The following LARP7 variants were observed in gnomAD, a reference collection of about 807,000 sequenced individuals.
LARP7 encodes La ribonucleoprotein 7, transcriptional regulator.
LARP7 carries 52 observed loss-of-function variants against 69.3 expected under a neutral mutation model. The observed-to-expected ratio is 0.75, with a 90% CI of 0.60 to 0.95. LARP7 has a LOEUF of 0.95. Among genes scored for constraint, LARP7 ranks in the 40% least tolerant of loss-of-function variants. The pLI, the probability that LARP7 is intolerant of heterozygous loss-of-function variation, is 0.00. For missense variants in LARP7, 733 were observed against 673.0 expected (o/e 1.09, Z -0.99); for synonymous variants, 254 against 215.9 (o/e 1.18, Z -1.55).
At position 112,653,137 on chromosome 4, in the gene LARP7, T is replaced by G; in HGVS notation, c.1477T>G (p.Cys493Gly). ...YVDLLEGDTE[C>G]HARFKTPEDA... ...TGATTTGCTAGAAGGGGATACAGAA[T>G]GCCATGCTAGATTTAAAACTCCTGA... The change falls in exon 11 of 13, where the codon TGC becomes GGC. Residue 493 changes from cysteine (C) to glycine (G), a missense_variant. Transcript: ENST00000344442. 1 of 1,611,366 alleles carries G rather than the reference T, an allele frequency of 6.2e-7. No homozygotes were observed. The highest frequency in any genetic ancestry group is 8.5e-7 in the Non-Finnish European group (1 of 1,178,794).
chr4:112,643,032 A>G (rs186113004), intron 1 of LARP7, among the ~76,000 whole-genome samples: 54 of 152,368 alleles, frequency 3.5e-4, no homozygotes, highest in African/African-American at 1.2e-3. Flanking sequence ...TAGTGATTCA[A>G]TTCATTCAAC....
rs554914751 is a variant in LARP7 at position 112,645,803 on chromosome 4, C to G, written c.203-548C>G. ...AATTGCTGAGATAAGAAGCATTGAGCCACCATCCCCAGTTGCTAAATTTCA... is the reference window on the plus strand; with the variant it reads ...AATTGCTGAGATAAGAAGCATTGAGGCACCATCCCCAGTTGCTAAATTTCA... On this transcript the variant is annotated intron_variant, in intron 2 of 12. Transcript: ENST00000344442. The G allele has an allele frequency of 2.3e-5, 8 of 342,810 alleles. No individual in the cohort carries two copies. The East Asian group carries it at 6.3e-4, about 27-fold the overall frequency. The allele number at this position is 342,810 out of a possible 1,614,324, so 21.2% of individuals were successfully genotyped here. A position where few individuals can be genotyped will look rare whatever the true frequency, so the allele number is the denominator to read the frequency against.
At chr4:112,649,719 A>G in intron 9 of LARP7, 33 bp downstream of exon 9, 1 of 1,468,828 alleles carries the variant, frequency 6.8e-7, no homozygotes, top group Non-Finnish European at 9.3e-7. Flanking sequence ...ACAACATTAT[A>G]ATGTACTTAT....
Position 112,646,970 on chromosome 4 carries a change from T to TA in LARP7, c.552+28dup, listed in dbSNP as rs747753883. The TA allele has an allele frequency of 0.025, 31,668 of 1,284,054 alleles. No individual in the cohort carries two copies. Among genetic ancestry groups the TA allele is most frequent in the South Asian group, 0.028 (2,068 of 72,610 alleles). 79.5% of individuals were successfully genotyped at this position (1,284,054 alleles called of 1,614,324 possible). On this transcript the variant is annotated intron_variant, in intron 5 of 12. Transcript: ENST00000344442. ...AAGCAATTGAGGTAAGTCCAGATCC[T>TA]AAAAAAAAAAAAAGAAAGAAAAGAA...
intron 12 of LARP7, among the ~76,000 whole-genome samples, chr4:112,655,077 C>T (rs567976993): frequency 1.5e-4 from 22 of 150,964 alleles, no homozygotes; most frequent in African/African-American, 4.9e-4. Context: ...CAGAATTTAT[C>T]GTGATTTGTG....
chr4:112,637,950 AAACTT>A (rs1161977429), intron 1 of LARP7: 1 of 152,262 alleles, frequency 6.6e-6, no homozygotes, highest in Non-Finnish European at 1.5e-5. Context: ...CTTCTTTTGA[AAACTT>A]AATTATATGG....
rs776972764 is a variant in LARP7 at position 112,646,708 on chromosome 4, G to T, written c.387+37G>T. 1.7e-5 allele frequency: 26 copies of T among 1,556,236 alleles called. No individual in the cohort carries two copies. The South Asian group carries it at 1.9e-4, about 11-fold the overall frequency. On this transcript the variant is annotated intron_variant, in intron 4 of 12. Coordinates refer to ENST00000344442, the MANE Select transcript of LARP7 (RefSeq NM_016648.4). ...AACCCGGGTCCCCAGTCAGAAACTG[G>T]CACAGAAACAATATAATTAAGTTAA...
In LARP7 at chr4:112,655,488, T is replaced by C. The variant is rs2048919373; in HGVS notation, c.1668+1329T>C. On this transcript the variant is annotated intron_variant, in intron 12 of 12. Coordinates refer to ENST00000344442, the MANE Select transcript of LARP7 (RefSeq NM_016648.4). ...TAGCCAGTTGACTCTTGTCGTGAAA[T>C]GAAACGGAGGTTAACACAGAAAGTA... 3.3e-5 allele frequency: 5 copies of C among 152,314 alleles called. No homozygotes were observed. The South Asian group carries it at 1.0e-3, about 32-fold the overall frequency. 9.4% of individuals were successfully genotyped at this position (152,314 alleles called of 1,614,324 possible). A position where few individuals can be genotyped will look rare whatever the true frequency, so the allele number is the denominator to read the frequency against.
chr4:112,656,716 C>A (rs1258752580), intron 12 of LARP7, among the ~76,000 whole-genome samples: 1 of 152,156 alleles, frequency 6.6e-6, no homozygotes, highest in Non-Finnish European at 1.5e-5. Context: ...TGATAGAGTT[C>A]TAAACATCTT....
intron 8 of LARP7, 71 bp downstream of exon 8, chr4:112,647,905 T>A: frequency 3.6e-6 from 4 of 1,106,434 alleles, no homozygotes; most frequent in Non-Finnish European, 5.5e-6. Context: ...AATTCCAATT[T>A]ATATTCAACA....
chr4:112,653,838 A>G (rs2048854427), intron 11 of LARP7, among the ~76,000 whole-genome samples: 1 of 152,086 alleles, frequency 6.6e-6, no homozygotes, highest in Admixed American at 6.6e-5. Flanking sequence ...GGCCAGGCTG[A>G]CCTCTGGTGA....
Position 112,649,684 on chromosome 4 carries a change from AAAGT to A in LARP7, c.1294+1_1294+4del, listed in dbSNP as rs758997622. On this transcript the variant is annotated splice_donor_variant and coding_sequence_variant, in exon 9 of 13. Transcript: ENST00000344442. LOFTEE classifies it high-confidence loss of function. ...CAAAACACTGGAATGAAAAATGAAA[AAAGT>A]AAAGATCACTGATAGTTTTGACAAC... The A allele has an allele frequency of 2.5e-6, 4 of 1,586,528 alleles. No homozygotes were observed. Among genetic ancestry groups the A allele is most frequent in the Non-Finnish European group, 3.4e-6 (4 of 1,167,508 alleles).
In LARP7 at chr4:112,650,510, A is replaced by G. The variant is rs533624921; in HGVS notation, c.1344A>G (p.Gly448=). Residue 448 remains glycine (G), a synonymous_variant, in exon 10 of 13, where the codon GGA becomes GGG. Transcript: ENST00000344442. ...CCCAGGAGAAAGTTAATGCAACAGG[A>G]CCACAGTTCGTGAGTGGAGTGATTG... ...CRTQEKVNAT[G]PQFVSGVIVK... 24 of 1,613,816 alleles carry G rather than the reference A, an allele frequency of 1.5e-5. No individual in the cohort carries two copies. In the South Asian group the frequency reaches 2.6e-4, roughly 18 times the overall value.
intron 2 of LARP7, chr4:112,645,538 C>G (rs1337867771): frequency 2.2e-6 from 1 of 456,160 alleles, no homozygotes; most frequent in Non-Finnish European, 4.4e-6. Flanking sequence ...CAAGGTCTAT[C>G]TTTTTTCCCT....
chr4:112,643,720 T>C (rs1295037595), intron 1 of LARP7, among the ~76,000 whole-genome samples: 1 of 151,976 alleles, frequency 6.6e-6, no homozygotes, highest in Non-Finnish European at 1.5e-5. Context: ...TGATTGGCAG[T>C]GGTGCCTGTA....
intron 1 of LARP7, among the ~76,000 whole-genome samples, chr4:112,641,158 C>T (rs4478247): frequency 0.68 from 102,870 of 152,012 alleles, 35,279 homozygotes; most frequent in East Asian, 0.96. Flanking sequence ...CCTAGCACTT[C>T]GGGAGGCCAA....
chr4:112,647,587 A>G, intron 7 of LARP7, 38 bp downstream of exon 7: 12 of 1,414,396 alleles, frequency 8.5e-6, no homozygotes, highest in Non-Finnish European at 1.1e-5. Flanking sequence ...AAACTAATTA[A>G]TTTTAATTAA....
chr4:112,640,240 AT>A (rs1232285795), intron 1 of LARP7, among the ~76,000 whole-genome samples: 4 of 152,144 alleles, frequency 2.6e-5, no homozygotes, highest in African/African-American at 9.7e-5. Flanking sequence ...CACCTGGCCT[AT>A]TTGTATTTTA....
At chr4:112,640,169 C>T (rs1269319670) in intron 1 of LARP7, among the ~76,000 whole-genome samples, 2 of 152,160 alleles carry the variant, frequency 1.3e-5, no homozygotes, top group Admixed American at 6.5e-5. Context: ...GAACTTCTGA[C>T]CTCAAGTGAT....
Sources: allele counts gnomAD v4.1 joint callset (sites outside exome capture counted in the v4.1 genomes callset), GRCh38; gene constraint gnomAD v4.1.1; transcripts MANE v1.5; gene names NCBI Gene and HGNC (gene_info 2026-07-23, HGNC 2026-07-21).